PTPRU: variants seen among roughly 807,000 people sequenced by gnomAD.
PTPRU encodes the protein protein tyrosine phosphatase receptor type U.
PTPRU carries 69 observed loss-of-function variants against 166.3 expected under a neutral mutation model. That is an observed-to-expected ratio of 0.41 (90% CI 0.34 to 0.51). The LOEUF (loss-of-function observed/expected upper bound fraction) is 0.51. PTPRU is among the 20% of genes least tolerant of loss of function. PTPRU has a pLI of 0.09. For missense variants in PTPRU, 1,657 were observed against 2,013.7 expected (o/e 0.82, Z 3.39); for synonymous variants, 793 against 814.0 (o/e 0.97, Z 0.44).
At chr1:29,283,526 A>G (rs1246927771) in intron 12 of PTPRU, among the ~76,000 whole-genome samples, 3 of 151,720 alleles carry the variant, frequency 2.0e-5, no homozygotes, top group Admixed American at 2.0e-4. Context: ...CTCAGATTCC[A>G]GCGTTCCTGT....
At chr1:29,285,430 G>C (rs995633775) in intron 14 of PTPRU, among the ~76,000 whole-genome samples, 1 of 152,106 alleles carries the variant, frequency 6.6e-6, no homozygotes, top group African/African-American at 2.4e-5. Context: ...CCCTCCCCCT[G>C]CCGCCCCTAC....
intron 28 of PTPRU, among the ~76,000 whole-genome samples, 164 bp downstream of exon 28, chr1:29,323,952 G>C (rs1688286697): frequency 6.6e-6 from 1 of 152,194 alleles, no homozygotes; most frequent in African/African-American, 2.4e-5. Flanking sequence ...GCCAAGGCTG[G>C]CCCTGGAGGA....
At chr1:29,274,291 G>A (rs746203370) in intron 7 of PTPRU, among the ~76,000 whole-genome samples, 4 of 151,648 alleles carry the variant, frequency 2.6e-5, no homozygotes, top group African/African-American at 7.3e-5. Context: ...CGCCTGCCTC[G>A]GCCTCCCAAA....
At chr1:29,267,299 G>C (rs750788405) in intron 7 of PTPRU, among the ~76,000 whole-genome samples, 8 of 152,310 alleles carry the variant, frequency 5.3e-5, no homozygotes, top group Non-Finnish European at 8.8e-5. Flanking sequence ...GGCCAACTAT[G>C]GGACTTGAAT....
chr1:29,265,014 A>G (rs543720238), intron 7 of PTPRU, among the ~76,000 whole-genome samples: 30 of 152,288 alleles, frequency 2.0e-4, no homozygotes, highest in African/African-American at 7.2e-4. Context: ...GTTGAATGAC[A>G]TCTGGGCTGG....
intron 14 of PTPRU, chr1:29,289,778 T>C: frequency 1.9e-6 from 3 of 1,573,834 alleles, no homozygotes; most frequent in South Asian, 2.3e-5. Flanking sequence ...TGTCCCCGCC[T>C]TCTCTGGTTG....
Position 29,236,547 on chromosome 1 carries a change from C to T in PTPRU, c.-98C>T, listed in dbSNP as rs75011501. ...AGTCCCGCTCCGCGCCGCGCCGCTCCGCTCCGGCTCGGGCTCCGGCTCGCC... is the reference window on the plus strand; with the variant it reads ...AGTCCCGCTCCGCGCCGCGCCGCTCTGCTCCGGCTCGGGCTCCGGCTCGCC... On this transcript the variant is annotated 5_prime_UTR_variant, in exon 1 of 30. Coordinates refer to ENST00000373779, the MANE Select transcript of PTPRU (RefSeq NM_133178.4). This position sits in a 1 kb window ranked among gnomAD's most constrained non-coding sequence, Gnocchi z 4.6. The T allele has an allele frequency of 0.42, 400,049 of 962,100 alleles. 88,378 individuals are homozygous for T. The highest frequency in any genetic ancestry group is 0.45 in the Non-Finnish European group (347,375 of 771,364). The allele number at this position is 962,100 out of a possible 1,614,324, so 59.6% of individuals were successfully genotyped here. A position where few individuals can be genotyped will look rare whatever the true frequency, so the allele number is the denominator to read the frequency against.
chr1:29,259,483 G>A lies in PTPRU; in HGVS notation c.594G>A (p.Val198=). The A allele has an allele frequency of 6.2e-7, 1 of 1,612,248 alleles. No individual in the cohort carries two copies. Among genetic ancestry groups the A allele is most frequent in the Non-Finnish European group, 8.5e-7 (1 of 1,179,010 alleles). The part of the protein sequence containing the change: ...KAPHFSRLGD[V]EVNAGQNASF... ...CACACTTCTCCCGCCTGGGCGACGTGGAGGTCAACGCGGGCCAGAACGCGT... is the reference window on the plus strand; with the variant it reads ...CACACTTCTCCCGCCTGGGCGACGTAGAGGTCAACGCGGGCCAGAACGCGT... Residue 198 remains valine (V), a synonymous_variant, in exon 5 of 30, where the codon GTG becomes GTA. Coordinates refer to ENST00000373779, the MANE Select transcript of PTPRU (RefSeq NM_133178.4).
Position 29,282,895 on chromosome 1 carries a change from TGAGCCTAGGA to T in PTPRU, c.2089_2098del (p.Glu697ArgfsTer13), listed in dbSNP as rs1466612901. ...ACCGAGGCTTCTGGAACCCACCACT[TGAGCCTAGGA>T]AGGCCTATCTCATCTACTTCCAGGC... On this transcript the variant is annotated frameshift_variant, in exon 12 of 30. Transcript: ENST00000373779. LOFTEE classifies it high-confidence loss of function. 6.2e-7 allele frequency: 1 copy of T among 1,614,054 alleles called. No individual in the cohort carries two copies. Among genetic ancestry groups the T allele is most frequent in the Non-Finnish European group, 8.5e-7 (1 of 1,179,992 alleles).
At chr1:29,305,644 G>T in intron 18 of PTPRU, 1 of 742,046 alleles carries the variant, frequency 1.3e-6, no homozygotes, top group Admixed American at 1.7e-5. Context: ...TGGCCTGAGA[G>T]ATGAGGTGCT....
rs1686992609 is a variant in PTPRU, at chr1:29,298,456, C to T, written c.2477-5399C>T. Among the ~76,000 whole-genome samples, 4 of 152,058 alleles carry T rather than the reference C, an allele frequency of 2.6e-5. No individual in the cohort carries two copies. The South Asian group carries it at 8.3e-4, about 32-fold the overall frequency. Reference sequence around the variant, plus strand: ...GAAAGCCATGTTGATTTTGGTGGATCCTTCTATGCAAATTTTAAATGAAGG... The same window carrying T: ...GAAAGCCATGTTGATTTTGGTGGATTCTTCTATGCAAATTTTAAATGAAGG... On this transcript the variant is annotated intron_variant, in intron 15 of 29. Coordinates refer to ENST00000373779, the MANE Select transcript of PTPRU (RefSeq NM_133178.4).
In PTPRU at chr1:29,237,765, T is replaced by C. The variant is rs1465942640; in HGVS notation, c.73+1048T>C. ...GGCTGATCCGAGGCGGCGCCGGGGCTGCGGGGCGCCCGGGCCAGCGGGCCC... is the reference window on the plus strand; with the variant it reads ...GGCTGATCCGAGGCGGCGCCGGGGCCGCGGGGCGCCCGGGCCAGCGGGCCC... On this transcript the variant is annotated intron_variant, in intron 1 of 29. Transcript: ENST00000373779. This position sits in a 1 kb window ranked among gnomAD's most constrained non-coding sequence, Gnocchi z 6.4. Among the ~76,000 whole-genome samples, 4 of 147,866 alleles carry C rather than the reference T, an allele frequency of 2.7e-5. No homozygotes were observed. Among genetic ancestry groups the C allele is most frequent in the African/African-American group, 9.8e-5 (4 of 40,846 alleles).
chr1:29,320,729 G>T lies in PTPRU; in HGVS notation c.3732G>T (p.Leu1244=). ...CCTTCATCGTGACCCTGCACCCGCT[G>T]CAGAGCACCACGCCCGACTTCTGGC... ...SAAFIVTLHP[L]QSTTPDFWRL... Residue 1244 remains leucine (L), a synonymous_variant, in exon 26 of 30, where the codon CTG becomes CTT. Coordinates refer to ENST00000373779, the MANE Select transcript of PTPRU (RefSeq NM_133178.4). This position sits in a 1 kb window ranked among gnomAD's most constrained non-coding sequence, Gnocchi z 5.2. 6.2e-7 allele frequency: 1 copy of T among 1,608,320 alleles called. No homozygotes were observed. Among genetic ancestry groups the T allele is most frequent in the African/African-American group, 1.3e-5 (1 of 74,974 alleles).
At position 29,317,065 on chromosome 1, in the gene PTPRU, G is replaced by C. The variant is rs77405331; in HGVS notation, c.3514-683G>C. On this transcript the variant is annotated intron_variant, in intron 24 of 29. Transcript: ENST00000373779. The surrounding 1 kb of genome is among the most constrained non-coding windows in gnomAD (Gnocchi z 5.6). ...TTCTCACAGGAGGTGCAGGGTTCCCGGAGGAGGGTGTCAGGCTTTGGGGAT... is the reference window on the plus strand; with the variant it reads ...TTCTCACAGGAGGTGCAGGGTTCCCCGAGGAGGGTGTCAGGCTTTGGGGAT... 0.017 allele frequency among the ~76,000 whole-genome samples: 2,660 copies of C among 152,260 alleles called. 116 individuals carry two copies. The highest frequency in any genetic ancestry group is 0.17 in the East Asian group (866 of 5,170).
chr1:29,277,272 TG>T (rs1322103046), intron 8 of PTPRU, among the ~76,000 whole-genome samples: 2 of 152,268 alleles, frequency 1.3e-5, no homozygotes, highest in Admixed American at 6.5e-5. Context: ...GGCTAATTTT[TG>T]TATTTTTAGT....
chr1:29,246,973 C>G (rs1424331521), intron 1 of PTPRU, among the ~76,000 whole-genome samples: 3 of 152,190 alleles, frequency 2.0e-5, no homozygotes, highest in African/African-American at 7.2e-5. Flanking sequence ...TGCCTCGAGT[C>G]TGCACATACT....
intron 1 of PTPRU, among the ~76,000 whole-genome samples, chr1:29,249,906 C>T (rs937920519): frequency 7.9e-5 from 12 of 152,244 alleles, no homozygotes; most frequent in African/African-American, 2.9e-4. Flanking sequence ...CCCAGCTCCT[C>T]ACCCTGGCGT....
intron 15 of PTPRU, among the ~76,000 whole-genome samples, chr1:29,295,233 G>A (rs963193022): frequency 9.2e-5 from 14 of 151,566 alleles, no homozygotes; most frequent in East Asian, 5.8e-4. Flanking sequence ...TGGTAGAGAC[G>A]GGGTTTCACT....
At position 29,317,010 on chromosome 1, in the gene PTPRU, G is replaced by A. The variant is rs1371049863; in HGVS notation, c.3514-738G>A. Among the ~76,000 whole-genome samples, 2 of 152,176 alleles carry A rather than the reference G, an allele frequency of 1.3e-5. No individual in the cohort carries two copies. Among genetic ancestry groups the A allele is most frequent in the Non-Finnish European group, 2.9e-5 (2 of 68,040 alleles). On this transcript the variant is annotated intron_variant, in intron 24 of 29. Coordinates refer to ENST00000373779, the MANE Select transcript of PTPRU (RefSeq NM_133178.4). The surrounding 1 kb of genome is among the most constrained non-coding windows in gnomAD (Gnocchi z 5.6). ...ACTCCAGGGTTCCTGCAGTGGCTCA[G>A]CAGGATGGCACGTGCTGGGGACCTG...
Sources: gnomAD v4.1 joint callset for allele counts (sites outside exome capture counted in the v4.1 genomes callset) on GRCh38, gnomAD v4.1.1 for gene constraint, Gnocchi (gnomAD v3.1) non-coding constraint, MANE v1.5 for transcripts, NCBI Gene and HGNC (gene_info 2026-07-23, HGNC 2026-07-21) for gene names.